The following VPS54 variants were observed in gnomAD, a reference collection of about 807,000 sequenced individuals.
VPS54 encodes the protein VPS54 subunit of GARP complex.
In VPS54, 45 loss-of-function variants were observed where a neutral mutation model predicts 121.5. That is an observed-to-expected ratio of 0.37 (90% CI 0.29 to 0.47). The LOEUF (loss-of-function observed/expected upper bound fraction) is 0.47. Among genes scored for constraint, VPS54 ranks in the 20% least tolerant of loss-of-function variants. The probability of loss-of-function intolerance (pLI) is 0.99; values close to 1 mark genes in which losing one functional copy is unlikely to be tolerated. For missense variants in VPS54, 1,090 were observed against 1,131.4 expected, an observed-to-expected ratio of 0.96 and a Z score of 0.52; for synonymous variants, 371 against 385.8, an observed-to-expected ratio of 0.96 and a Z score of 0.45.
intron 1 of VPS54, among the ~76,000 whole-genome samples, chr2:64,004,753 CAAT>C (rs1374818514): frequency 2.6e-5 from 4 of 152,148 alleles, no homozygotes; most frequent in African/African-American, 2.4e-5. Flanking sequence ...ACTACAGCTA[CAAT>C]AATAACTGTT....
At chr2:64,006,923 T>C (rs558324352) in intron 1 of VPS54, among the ~76,000 whole-genome samples, 1 of 152,302 alleles carries the variant, frequency 6.6e-6, no homozygotes, top group Admixed American at 6.5e-5. Flanking sequence ...CCGGCAAACA[T>C]CTTACTTTTT....
At chr2:63,895,777 C>A (rs1317795346) in intron 22 of VPS54, among the ~76,000 whole-genome samples, 1 of 152,122 alleles carries the variant, frequency 6.6e-6, no homozygotes, top group East Asian at 1.9e-4. Flanking sequence ...CATGAATTGA[C>A]TTATAAAGAA....
At chr2:63,970,312 T>TATATATAGATATATATAGATATAAATA (rs1676225220) in intron 4 of VPS54, among the ~76,000 whole-genome samples, 1 of 147,672 alleles carries the variant, frequency 6.8e-6, no homozygotes, top group African/African-American at 2.5e-5. Flanking sequence ...TAGATATAGA[T>TATATATAGATATATATAGATATAAATA]AAAACCCAGG....
At chr2:63,962,030 T>C (rs1165313023) in intron 7 of VPS54, 28 bp downstream of exon 7, 2 of 1,491,068 alleles carry the variant, frequency 1.3e-6, no homozygotes, top group African/African-American at 2.8e-5. Context: ...TCTAACATTA[T>C]TTCTAGTGGC....
intron 7 of VPS54, among the ~76,000 whole-genome samples, chr2:63,953,071 T>TC (rs1209618185): frequency 1.3e-5 from 2 of 151,714 alleles, no homozygotes; most frequent in Non-Finnish European, 2.9e-5. Context: ...TTTCATTATT[T>TC]CCCCTCTAGA....
chr2:63,912,304 A>G, intron 20 of VPS54, 41 bp downstream of exon 20: 1 of 1,486,164 alleles, frequency 6.7e-7, no homozygotes, highest in Non-Finnish European at 9.2e-7. Flanking sequence ...GAAAATCATA[A>G]TGTCTTTGAA....
At chr2:64,018,431 G>C (rs533678400) in intron 1 of VPS54, among the ~76,000 whole-genome samples, 2 of 152,278 alleles carry the variant, frequency 1.3e-5, no homozygotes, top group South Asian at 4.2e-4. Context: ...GAAGGAGGCA[G>C]AACTGAAGAA....
chr2:63,970,284 GATAT>G (rs1196938276), intron 4 of VPS54, among the ~76,000 whole-genome samples: 2 of 140,336 alleles, frequency 1.4e-5, no homozygotes, highest in African/African-American at 5.3e-5. Context: ...GATATATATA[GATAT>G]ATATAGATAT....
intron 7 of VPS54, among the ~76,000 whole-genome samples, chr2:63,951,702 C>T (rs1427905266): frequency 6.6e-6 from 1 of 151,958 alleles, no homozygotes; most frequent in East Asian, 1.9e-4. Flanking sequence ...TAGACTAGTA[C>T]CTACATATAT....
At chr2:63,894,303 G>T (rs1384765667) in intron 22 of VPS54, among the ~76,000 whole-genome samples, 1 of 152,166 alleles carries the variant, frequency 6.6e-6, no homozygotes, top group Non-Finnish European at 1.5e-5. Context: ...TGAAGAAATG[G>T]TCACACCATT....
intron 7 of VPS54, among the ~76,000 whole-genome samples, chr2:63,953,360 T>C (rs1468657584): frequency 1.3e-5 from 2 of 152,108 alleles, no homozygotes; most frequent in Admixed American, 6.6e-5. Context: ...TTTGAGCTCC[T>C]GACCTCAAGT....
chr2:63,901,778 G>A (rs1468805263), intron 20 of VPS54, among the ~76,000 whole-genome samples: 5 of 152,144 alleles, frequency 3.3e-5, no homozygotes, highest in Non-Finnish European at 4.4e-5. Context: ...CACTTTGGGA[G>A]ACCAAGGAGG....
At chr2:63,996,132 T>A (rs901920436) in intron 1 of VPS54, among the ~76,000 whole-genome samples, 1 of 152,220 alleles carries the variant, frequency 6.6e-6, no homozygotes, top group Non-Finnish European at 1.5e-5. Flanking sequence ...AAGGGAGAGA[T>A]GTTGCAGGAA....
intron 8 of VPS54, 115 bp downstream of exon 8, chr2:63,948,922 C>T: frequency 7.6e-7 from 1 of 1,309,976 alleles, no homozygotes; most frequent in Non-Finnish European, 1.0e-6. Flanking sequence ...CTTCATAGGT[C>T]TGATAGCCCT....
chr2:63,930,230 A>G (rs1674124704), intron 12 of VPS54, among the ~76,000 whole-genome samples: 1 of 152,216 alleles, frequency 6.6e-6, no homozygotes, highest in Non-Finnish European at 1.5e-5. Context: ...TTTTAGGCCA[A>G]TATCCCTGAT....
chr2:63,948,130 C>T (rs942570667), intron 8 of VPS54, among the ~76,000 whole-genome samples: 1 of 152,118 alleles, frequency 6.6e-6, no homozygotes, highest in African/African-American at 2.4e-5. Flanking sequence ...TGCACCTCAC[C>T]CATGCTTTGT....
Position 63,914,924 on chromosome 2 carries a change from G to A in VPS54, c.2229-637C>T, listed in dbSNP as rs148981539. ...CAAGGCAGGCAGATCACTGGAGGTC[G>A]GGAGTTCGAGACCAGCCTGACAATG... On this transcript the variant is annotated intron_variant, in intron 16 of 22. Coordinates refer to ENST00000272322, the MANE Select transcript of VPS54 (RefSeq NM_016516.3). Among the ~76,000 whole-genome samples the A allele has an allele frequency of 2.5e-3, 383 of 151,926 alleles. 1 individual carries two copies. Among genetic ancestry groups the A allele is most frequent in the African/African-American group, 8.0e-3 (330 of 41,438 alleles).
intron 1 of VPS54, among the ~76,000 whole-genome samples, chr2:63,997,340 T>C (rs1014463492): frequency 6.6e-6 from 1 of 152,244 alleles, no homozygotes; most frequent in African/African-American, 2.4e-5. Context: ...TCTGGACTTT[T>C]TACTGGGAGA....
chr2:63,924,741 G>A (rs1488304669), intron 12 of VPS54, among the ~76,000 whole-genome samples: 1 of 152,130 alleles, frequency 6.6e-6, no homozygotes, highest in Non-Finnish European at 1.5e-5. Context: ...ACAGAAAAAT[G>A]AACGAAATAG....
Sources: allele counts gnomAD v4.1 joint callset (sites outside exome capture counted in the v4.1 genomes callset), GRCh38; gene constraint gnomAD v4.1.1; transcripts MANE v1.5; gene names NCBI Gene and HGNC (gene_info 2026-07-23, HGNC 2026-07-21).